FAM162A: variants seen among roughly 807,000 people sequenced by gnomAD.
FAM162A encodes the protein protein FAM162A.
In FAM162A, 23 loss-of-function variants were observed where a neutral mutation model predicts 21.8. The observed-to-expected ratio is 1.05, with a 90% CI of 0.76 to 1.49. The LOEUF is 1.49. Ranked by LOEUF, FAM162A falls within the 40% of genes most tolerant of loss-of-function variation. The pLI is 0.00. For synonymous variants in FAM162A, 53 were observed against 61.3 expected (o/e 0.86, Z 0.64); for missense variants, 165 against 186.4 (o/e 0.89, Z 0.67).
intron 1 of FAM162A, among the ~76,000 whole-genome samples, chr3:122,390,517 C>G (rs2075597771): frequency 6.6e-6 from 1 of 152,170 alleles, no homozygotes; most frequent in Non-Finnish European, 1.5e-5. Context: ...CCTACCTTTC[C>G]TCACTGTCTA....
intron 4 of FAM162A, among the ~76,000 whole-genome samples, chr3:122,408,998 T>C (rs2075691071): frequency 1.3e-5 from 2 of 152,190 alleles, no homozygotes; most frequent in South Asian, 2.1e-4. Context: ...CACCATCAAC[T>C]TCCCTTTCTC....
At chr3:122,401,097 G>T (rs1245073604) in intron 1 of FAM162A, among the ~76,000 whole-genome samples, 1 of 151,846 alleles carries the variant, frequency 6.6e-6, no homozygotes, top group Non-Finnish European at 1.5e-5. Context: ...CTGTAATGCT[G>T]CTTTGCTTAT....
At chr3:122,401,453 G>A (rs1576251480) in intron 1 of FAM162A, 1 of 1,189,368 alleles carries the variant, frequency 8.4e-7, no homozygotes, top group East Asian at 7.3e-5. Context: ...GGCTTGACTT[G>A]AGAGCACGTG....
intron 1 of FAM162A, 100 bp downstream of exon 1, chr3:122,384,399 C>A: frequency 7.3e-7 from 1 of 1,369,024 alleles, no homozygotes; most frequent in Non-Finnish European, 1.0e-6. Flanking sequence ...GGCTCCATTC[C>A]ATGACGCACT....
intron 1 of FAM162A, among the ~76,000 whole-genome samples, chr3:122,392,918 T>C (rs886382256): frequency 6.6e-6 from 1 of 152,182 alleles, no homozygotes; most frequent in Non-Finnish European, 1.5e-5. Flanking sequence ...AAAATAAACT[T>C]AACAGTTAGA....
At chr3:122,408,745 A>G (rs4678192) in intron 4 of FAM162A, among the ~76,000 whole-genome samples, 56,123 of 152,014 alleles carry the variant, frequency 0.37, 10,505 homozygotes, top group East Asian at 0.45. Context: ...TTGCTTTTGT[A>G]TACTCGATTG....
At chr3:122,393,096 G>T (rs551847558) in intron 1 of FAM162A, among the ~76,000 whole-genome samples, 8 of 152,154 alleles carry the variant, frequency 5.3e-5, no homozygotes, top group Admixed American at 2.6e-4. Context: ...CACTGATGTT[G>T]TGTTTGCCAG....
chr3:122,384,400 A>G, intron 1 of FAM162A, 101 bp downstream of exon 1: 3 of 1,364,584 alleles, frequency 2.2e-6, no homozygotes, highest in South Asian at 2.5e-5. Context: ...GCTCCATTCC[A>G]TGACGCACTT....
intron 1 of FAM162A, among the ~76,000 whole-genome samples, chr3:122,399,571 A>G (rs2075643926): frequency 6.6e-6 from 1 of 152,182 alleles, no homozygotes; most frequent in Non-Finnish European, 1.5e-5. Context: ...ACTGTTGTGA[A>G]TAGTGCTGCA....
intron 1 of FAM162A, among the ~76,000 whole-genome samples, chr3:122,393,448 G>A (rs990890488): frequency 3.9e-5 from 6 of 151,980 alleles, no homozygotes; most frequent in Non-Finnish European, 8.8e-5. Context: ...CAATAGTCTT[G>A]AAAACCAACA....
At chr3:122,394,728 A>G (rs898907327) in intron 1 of FAM162A, among the ~76,000 whole-genome samples, 1 of 152,216 alleles carries the variant, frequency 6.6e-6, no homozygotes, top group African/African-American at 2.4e-5. Flanking sequence ...AATAGAATTA[A>G]TCTTTCACAA....
chr3:122,387,990 T>C (rs1217895636), intron 1 of FAM162A, among the ~76,000 whole-genome samples: 2 of 151,978 alleles, frequency 1.3e-5, no homozygotes, highest in African/African-American at 2.4e-5. Flanking sequence ...CAGGAGGCAA[T>C]AGGAGGTAAA....
intron 3 of FAM162A, among the ~76,000 whole-genome samples, chr3:122,406,315 G>A (rs990119922): frequency 2.0e-5 from 3 of 152,144 alleles, no homozygotes; most frequent in African/African-American, 7.2e-5. Context: ...CTATAGCCCC[G>A]GCTGCTCAGG....
chr3:122,410,860 CCT>C lies in FAM162A; in HGVS notation c.*1036_*1037del, dbSNP rs925367691. The C allele has an allele frequency of 1.3e-5, 2 of 152,110 alleles. No individual in the cohort carries two copies. Among genetic ancestry groups the C allele is most frequent in the African/African-American group, 4.8e-5 (2 of 41,408 alleles). 9.4% of individuals were successfully genotyped at this position (152,110 alleles called of 1,614,324 possible). On this transcript the variant is annotated 3_prime_UTR_variant, in exon 5 of 5. Transcript: ENST00000477892. ...CCATCCACCTGGGATGTGAATCATC[CCT>C]CTCTCTGGTGTATTCACACTGTATG... is the stretch of plus-strand genomic sequence containing the variant.
At chr3:122,392,600 C>T (rs1487186172) in intron 1 of FAM162A, among the ~76,000 whole-genome samples, 1 of 152,186 alleles carries the variant, frequency 6.6e-6, no homozygotes, top group African/African-American at 2.4e-5. Context: ...TGCGAATTCC[C>T]AGCCTCCATT....
At chr3:122,389,388 T>TAGAC (rs2075589255) in intron 1 of FAM162A, among the ~76,000 whole-genome samples, 1 of 46,404 alleles carries the variant, frequency 2.2e-5, no homozygotes, top group Non-Finnish European at 5.0e-5. Flanking sequence ...GATGGATAGA[T>TAGAC]AGATAGATAG....
intron 1 of FAM162A, chr3:122,401,606 G>A: frequency 1.8e-6 from 2 of 1,111,456 alleles, no homozygotes; most frequent in Non-Finnish European, 2.3e-6. Flanking sequence ...GTGAAATGTT[G>A]GAAGTATAGT....
At position 122,411,563 on chromosome 3, in the gene FAM162A, T is replaced by C. The variant is rs1167154996; in HGVS notation, c.*1732T>C. On this transcript the variant is annotated 3_prime_UTR_variant, in exon 5 of 5. Coordinates refer to ENST00000477892, the MANE Select transcript of FAM162A (RefSeq NM_014367.4). ...ATGAGCTTAAATTTAATGAAACCTT[T>C]TTTTTTTTTTTGAGACAGTCTTGCA... 6.6e-6 allele frequency: 1 copy of C among 151,012 alleles called. No homozygotes were observed. Among genetic ancestry groups the C allele is most frequent in the Non-Finnish European group, 1.5e-5 (1 of 67,580 alleles). 9.4% of individuals were successfully genotyped at this position (151,012 alleles called of 1,614,324 possible). A position where few individuals can be genotyped will look rare whatever the true frequency, so the allele number is the denominator to read the frequency against.
rs1224921534 is a variant in FAM162A at position 122,411,167 on chromosome 3, AAG to A, written c.*1342_*1343del. ...AACATGCTGGTTCTCAGAGAGTTAT[AAG>A]AGAGATTAAAAATACATGCAGCTGT... On this transcript the variant is annotated 3_prime_UTR_variant, in exon 5 of 5. Transcript: ENST00000477892. 4.3e-4 allele frequency: 65 copies of A among 152,196 alleles called. 1 individual carries two copies. The highest frequency in any genetic ancestry group is 2.5e-4 in the Non-Finnish European group (17 of 68,036). The allele number at this position is 152,196 out of a possible 1,614,324, so 9.4% of individuals were successfully genotyped here. A position where few individuals can be genotyped will look rare whatever the true frequency, so the allele number is the denominator to read the frequency against.
Sources: allele counts gnomAD v4.1 joint callset (sites outside exome capture counted in the v4.1 genomes callset), GRCh38; gene constraint gnomAD v4.1.1; transcripts MANE v1.5; gene names NCBI Gene and HGNC (gene_info 2026-07-23, HGNC 2026-07-21).